The following CACHD1 variants were observed in gnomAD, a reference collection of about 807,000 sequenced individuals.
The protein encoded by CACHD1 is cache domain containing 1, also known as VWFA and cache domain-containing protein 1.
Under a neutral mutation model 138.7 loss-of-function variants are expected in CACHD1, and 71 were observed. The observed-to-expected ratio is 0.51, with a 90% CI of 0.42 to 0.62. CACHD1 has a LOEUF of 0.62. CACHD1 is among the 20% of genes least tolerant of loss of function. CACHD1 has a pLI of 0.00. For synonymous variants in CACHD1, 578 were observed against 591.5 expected, an observed-to-expected ratio of 0.98 and a Z score of 0.33; for missense variants, 1,389 against 1,625.3, an observed-to-expected ratio of 0.85 and a Z score of 2.50.
At chr1:64,598,132 A>T (rs1647172906) in intron 3 of CACHD1, among the ~76,000 whole-genome samples, 2 of 152,294 alleles carry the variant, frequency 1.3e-5, no homozygotes, top group South Asian at 4.1e-4. Flanking sequence ...AGCGGCAGGC[A>T]TTGGAGTGTT....
chr1:64,514,054 A>G (rs1420190564), intron 1 of CACHD1, among the ~76,000 whole-genome samples: 1 of 152,226 alleles, frequency 6.6e-6, no homozygotes, highest in Non-Finnish European at 1.5e-5. Context: ...AGGAAAAGTT[A>G]AATTGGTATG....
At position 64,520,339 on chromosome 1, in the gene CACHD1, G is replaced by A. The variant is rs543756150; in HGVS notation, c.199-30255G>A. 5.3e-5 allele frequency among the ~76,000 whole-genome samples: 8 copies of A among 152,274 alleles called. No homozygotes were observed. The East Asian group carries it at 7.7e-4, about 15-fold the overall frequency. On this transcript the variant is annotated intron_variant, in intron 1 of 26. Coordinates refer to ENST00000651257, the MANE Select transcript of CACHD1 (RefSeq NM_020925.4). Reference sequence around the variant, plus strand: ...TATATTGCTAGCAAAGAAGCCATTCGTCTCACACACCCACACAAATCCACC... The same window carrying A: ...TATATTGCTAGCAAAGAAGCCATTCATCTCACACACCCACACAAATCCACC...
At chr1:64,498,097 A>G (rs1646315635) in intron 1 of CACHD1, among the ~76,000 whole-genome samples, 1 of 152,224 alleles carries the variant, frequency 6.6e-6, no homozygotes, top group South Asian at 2.1e-4. Context: ...ACTGTACTCC[A>G]GTCTGGGTGA....
rs546699725 is a variant in CACHD1 at position 64,589,077 on chromosome 1, T to C, written c.410+6773T>C. The stretch of plus-strand genomic sequence containing the variant: ...CTGGAGCTGGAAGACTTCAGCTGAA[T>C]AGATATTCTCTCAGGGGAAACTTAA... On this transcript the variant is annotated intron_variant, in intron 3 of 26. Coordinates refer to ENST00000651257, the MANE Select transcript of CACHD1 (RefSeq NM_020925.4). Among the ~76,000 whole-genome samples the C allele has an allele frequency of 5.3e-5, 8 of 152,296 alleles. No homozygotes were observed. The South Asian group carries it at 1.5e-3, about 28-fold the overall frequency.
chr1:64,612,248 T>G (rs936449365), intron 4 of CACHD1, among the ~76,000 whole-genome samples: 1 of 152,194 alleles, frequency 6.6e-6, no homozygotes, highest in Non-Finnish European at 1.5e-5. Flanking sequence ...TATTATATTA[T>G]CTTAATACAA....
At chr1:64,577,078 G>T (rs1427316104) in intron 2 of CACHD1, among the ~76,000 whole-genome samples, 1 of 151,890 alleles carries the variant, frequency 6.6e-6, no homozygotes, top group Admixed American at 6.6e-5. Context: ...TGGGTAGCTG[G>T]GACTACAGAT....
rs908664180 is a variant in CACHD1, at chr1:64,483,358, T to C, written c.198+12416T>C. Among the ~76,000 whole-genome samples the C allele has an allele frequency of 2.6e-5, 4 of 152,302 alleles. No homozygotes were observed. In the East Asian group the frequency reaches 7.7e-4, roughly 29 times the overall value. On this transcript the variant is annotated intron_variant, in intron 1 of 26. Transcript: ENST00000651257. The stretch of plus-strand genomic sequence containing the variant: ...GTTAATTCATTTCACAAATCTTTAT[T>C]GAACACAGACTATGTGCCAGGTATT...
Position 64,673,467 on chromosome 1 carries a change from A to T in CACHD1, c.2727+3A>T. On this transcript the variant is annotated splice_donor_region_variant and intron_variant, in intron 19 of 26. Coordinates refer to ENST00000651257, the MANE Select transcript of CACHD1 (RefSeq NM_020925.4). ...ATAAATTCAACACCAGCCTTGCGGTAAGTTGATCTGATTCCTTAACACTCT... is the reference window on the plus strand; with the variant it reads ...ATAAATTCAACACCAGCCTTGCGGTTAGTTGATCTGATTCCTTAACACTCT... 6.3e-7 allele frequency: 1 copy of T among 1,599,526 alleles called. No homozygotes were observed. Among genetic ancestry groups the T allele is most frequent in the Non-Finnish European group, 8.6e-7 (1 of 1,166,706 alleles).
At chr1:64,584,812 A>G (rs1302884464) in intron 3 of CACHD1, among the ~76,000 whole-genome samples, 3 of 152,122 alleles carry the variant, frequency 2.0e-5, no homozygotes, top group South Asian at 2.1e-4. Context: ...GAAGGTGTCT[A>G]CTCTCTAGAA....
At chr1:64,603,099 CTTTTTTT>C (rs34372401) in intron 4 of CACHD1, among the ~76,000 whole-genome samples, 187 bp downstream of exon 4, 1 of 64,896 alleles carries the variant, frequency 1.5e-5, no homozygotes, top group Non-Finnish European at 3.0e-5. Flanking sequence ...AAGCTTACAT[CTTTTTTT>C]TTTTTTTTTT....
At chr1:64,507,196 C>T (rs1032376828) in intron 1 of CACHD1, among the ~76,000 whole-genome samples, 6 of 152,204 alleles carry the variant, frequency 3.9e-5, no homozygotes, top group African/African-American at 9.7e-5. Flanking sequence ...GCTACCTCCC[C>T]GGAACCTCTC....
At chr1:64,629,654 A>C (rs1284670712) in intron 5 of CACHD1, among the ~76,000 whole-genome samples, 173 bp downstream of exon 5, 1 of 152,094 alleles carries the variant, frequency 6.6e-6, no homozygotes, top group African/African-American at 2.4e-5. Context: ...AATTCCAGGC[A>C]AGGGCAAATT....
intron 1 of CACHD1, among the ~76,000 whole-genome samples, chr1:64,507,003 T>C (rs1301191778): frequency 1.3e-5 from 2 of 152,210 alleles, no homozygotes; most frequent in African/African-American, 2.4e-5. Flanking sequence ...TTTCAACTTA[T>C]CTGTAAAACG....
chr1:64,566,326 T>G (rs1025932120), intron 2 of CACHD1, among the ~76,000 whole-genome samples: 1 of 152,198 alleles, frequency 6.6e-6, no homozygotes, highest in Non-Finnish European at 1.5e-5. Flanking sequence ...CTGCATGAAT[T>G]AATAATCCTC....
intron 2 of CACHD1, among the ~76,000 whole-genome samples, chr1:64,569,987 C>G (rs1281760411): frequency 6.6e-6 from 1 of 152,180 alleles, no homozygotes. Flanking sequence ...CAAGACTTCT[C>G]CAGCCCTCTC....
intron 6 of CACHD1, 90 bp from the exon 7 acceptor site, chr1:64,633,954 C>G (rs1386173049): frequency 8.4e-6 from 8 of 948,700 alleles, no homozygotes; most frequent in Non-Finnish European, 1.3e-5. Flanking sequence ...GGCCTTCTTA[C>G]TCCTTGGCCT....
chr1:64,676,081 T>G (rs1557552465), intron 21 of CACHD1, 98 bp downstream of exon 21: 1 of 447,220 alleles, frequency 2.2e-6, no homozygotes, highest in Non-Finnish European at 3.4e-6. Flanking sequence ...TTGTTTTGAG[T>G]TAGGGCGTAT....
chr1:64,611,034 C>G (rs1038683466), intron 4 of CACHD1, among the ~76,000 whole-genome samples: 1 of 152,234 alleles, frequency 6.6e-6, no homozygotes, highest in Non-Finnish European at 1.5e-5. Context: ...GGCTTGCATC[C>G]TCTGAAGCCA....
At chr1:64,561,046 A>G (rs1646834826) in intron 2 of CACHD1, among the ~76,000 whole-genome samples, 1 of 152,104 alleles carries the variant, frequency 6.6e-6, no homozygotes, top group South Asian at 2.1e-4. Flanking sequence ...ATTTACTTTC[A>G]ATTATAGATA....
Sources: gnomAD v4.1 joint callset for allele counts (sites outside exome capture counted in the v4.1 genomes callset) on GRCh38, gnomAD v4.1.1 for gene constraint, MANE v1.5 for transcripts, NCBI Gene and HGNC (gene_info 2026-07-23, HGNC 2026-07-21) for gene names.